SAMM50: variants seen among roughly 807,000 people sequenced by gnomAD.
SAMM50 encodes the protein sorting and assembly machinery component 50 homolog.
Under a neutral mutation model 66.9 loss-of-function variants are expected in SAMM50, and 47 were observed. The observed-to-expected ratio is 0.70, with a 90% CI of 0.56 to 0.90. The LOEUF (loss-of-function observed/expected upper bound fraction) is 0.90. SAMM50 is among the 40% of genes least tolerant of loss of function. The probability of loss-of-function intolerance (pLI) is 0.00; values close to 1 mark genes in which losing one functional copy is unlikely to be tolerated. For missense variants in SAMM50, 535 were observed against 595.3 expected (o/e 0.90, Z 1.05); for synonymous variants, 191 against 214.1 (o/e 0.89, Z 0.94).
intron 12 of SAMM50, among the ~76,000 whole-genome samples, chr22:43,985,939 G>GTT (rs906958086): frequency 2.9e-5 from 4 of 139,236 alleles, no homozygotes; most frequent in Non-Finnish European, 6.3e-5. Flanking sequence ...TTGAGTTTGT[G>GTT]TTTTTTTTTT....
At chr22:43,996,211 G>A in intron 14 of SAMM50, 127 bp from the exon 15 acceptor site, 2 of 1,019,312 alleles carry the variant, frequency 2.0e-6, no homozygotes, top group South Asian at 2.6e-5. Flanking sequence ...CCGGCAGCCA[G>A]GCAGGAAGGC....
chr22:43,973,093 C>T (rs1289351800), intron 6 of SAMM50, 92 bp downstream of exon 6: 9 of 1,476,478 alleles, frequency 6.1e-6, no homozygotes, highest in Middle Eastern at 1.8e-4. Context: ...ACAGAATCAG[C>T]TGCCACTTCT....
chr22:43,957,061 C>T, intron 1 of SAMM50: 3 of 1,024,086 alleles, frequency 2.9e-6, no homozygotes, highest in Admixed American at 1.7e-5. Flanking sequence ...GCCATTTTTG[C>T]TGGCTATAAG....
chr22:43,973,919 G>A (rs368797247), intron 7 of SAMM50, among the ~76,000 whole-genome samples: 1 of 152,090 alleles, frequency 6.6e-6, no homozygotes, highest in South Asian at 2.1e-4. Context: ...GGTCCGGAAG[G>A]TTTCATTTTT....
At position 43,955,474 on chromosome 22, in the gene SAMM50, C is replaced by G; in HGVS notation, c.-104C>G. The G allele has an allele frequency of 7.3e-7, 1 of 1,377,494 alleles. No homozygotes were observed. The highest frequency in any genetic ancestry group is 1.0e-6 in the Non-Finnish European group (1 of 994,572). 85.3% of individuals were successfully genotyped at this position (1,377,494 alleles called of 1,614,324 possible). On this transcript the variant is annotated 5_prime_UTR_variant, in exon 1 of 15. Coordinates refer to ENST00000350028, the MANE Select transcript of SAMM50 (RefSeq NM_015380.5). ...CGCGTCCGGGGGTTTGTGGGAGTTGCCTTGACCTGCAGCTCCGCCACCGCG... is the reference window on the plus strand; with the variant it reads ...CGCGTCCGGGGGTTTGTGGGAGTTGGCTTGACCTGCAGCTCCGCCACCGCG...
At position 43,983,961 on chromosome 22, in the gene SAMM50, C is replaced by G; in HGVS notation, c.1036C>G (p.Arg346Gly). 1.2e-6 allele frequency: 2 copies of G among 1,611,668 alleles called. No individual in the cohort carries two copies. Among genetic ancestry groups the G allele is most frequent in the Non-Finnish European group, 1.7e-6 (2 of 1,179,042 alleles). ...RFYLGGPTSI[R>G]GFSMHSIGPQ... ...TTACCTTGGGGGACCCACAAGCATC[C>G]GCGGATTCAGCATGCACAGCATCGG... The change falls in exon 12 of 15, where the codon CGC becomes GGC. Residue 346 changes from arginine to glycine, a missense_variant. By Grantham distance (125) the Arg-to-Gly change is moderately radical (BLOSUM62 -2). Transcript: ENST00000350028. The surrounding 1 kb of genome is among the most constrained non-coding windows in gnomAD (Gnocchi z 4.2).
At position 43,990,317 on chromosome 22, in the gene SAMM50, G is replaced by C; in HGVS notation, c.1275G>C (p.Ser425=). 6.2e-7 allele frequency: 1 copy of C among 1,614,172 alleles called. No individual in the cohort carries two copies. Among genetic ancestry groups the C allele is most frequent in the Middle Eastern group, 1.6e-4 (1 of 6,062 alleles). Residue 425 remains serine, a synonymous_variant, in exon 14 of 15, where the codon TCG becomes TCC. Transcript: ENST00000350028. The part of the protein sequence containing the change: ...IRKLAECIRW[S]YGAGIVLRLG... ...AGCTGGCTGAGTGCATCCGCTGGTC[G>C]TACGGGGCCGGGATTGTCCTCAGGC...
chr22:43,956,707 AGTGAAGG>A (rs1326227803), intron 1 of SAMM50, among the ~76,000 whole-genome samples: 1 of 152,144 alleles, frequency 6.6e-6, no homozygotes, highest in East Asian at 1.9e-4. Context: ...TTGGTGGAAG[AGTGAAGG>A]GTGAAGTTAT....
chr22:43,996,513 A>G lies in SAMM50; in HGVS notation c.*130A>G. 1 of 901,764 alleles carries G rather than the reference A, an allele frequency of 1.1e-6. No homozygotes were observed. Among genetic ancestry groups the G allele is most frequent in the Admixed American group, 1.8e-5 (1 of 56,712 alleles). The allele number at this position is 901,764 out of a possible 1,614,324, so 55.9% of individuals were successfully genotyped here. On this transcript the variant is annotated 3_prime_UTR_variant, in exon 15 of 15. Transcript: ENST00000350028. The stretch of plus-strand genomic sequence containing the variant: ...ACCCTGTGGGAAACCCCGTCAATAA[A>G]TGTTAAAGACACACTCCGAGGCAGC...
intron 14 of SAMM50, among the ~76,000 whole-genome samples, chr22:43,995,657 A>T (rs1169591535): frequency 6.6e-6 from 1 of 152,086 alleles, no homozygotes; most frequent in Non-Finnish European, 1.5e-5. Flanking sequence ...GGTGCCCCTG[A>T]GCCGGGTCTG....
chr22:43,969,653 C>G (rs904709876), intron 4 of SAMM50, among the ~76,000 whole-genome samples: 1 of 152,204 alleles, frequency 6.6e-6, no homozygotes, highest in East Asian at 1.9e-4. Context: ...GAGCTGAGAC[C>G]TAGAAGATGC....
chr22:43,973,692 A>G (rs2050216090), intron 7 of SAMM50, among the ~76,000 whole-genome samples: 1 of 152,064 alleles, frequency 6.6e-6, no homozygotes, highest in African/African-American at 2.4e-5. Context: ...CTGGAGTACA[A>G]TGGCACGATC....
chr22:43,961,894 T>G (rs2050148674), intron 1 of SAMM50, among the ~76,000 whole-genome samples: 1 of 152,030 alleles, frequency 6.6e-6, no homozygotes, highest in Admixed American at 6.6e-5. Flanking sequence ...TTCTTTATGT[T>G]TTATTTTTAC....
At position 43,959,507 on chromosome 22, in the gene SAMM50, TACACACAC is replaced by T. The variant is rs138315774; in HGVS notation, c.22-3750_22-3743del. Among the ~76,000 whole-genome samples the T allele has an allele frequency of 1.7e-3, 242 of 138,584 alleles. 1 individual carries two copies. The highest frequency in any genetic ancestry group is 2.6e-3 in the Non-Finnish European group (171 of 65,486). 90.9% of individuals were successfully genotyped at this position (138,584 alleles called of 152,430 possible). ...AAATATTTATTTTATTTTTTTATATTACACACACACACACACACACACACACACACACA... is the reference window on the plus strand; with the variant it reads ...AAATATTTATTTTATTTTTTTATATTACACACACACACACACACACACACA... On this transcript the variant is annotated intron_variant, in intron 1 of 14. Coordinates refer to ENST00000350028, the MANE Select transcript of SAMM50 (RefSeq NM_015380.5).
chr22:43,957,364 A>G (rs553061480), intron 1 of SAMM50: 7 of 513,280 alleles, frequency 1.4e-5, no homozygotes, highest in Middle Eastern at 5.6e-4. Flanking sequence ...TGAAAAGTCA[A>G]TAAATCAATG....
chr22:43,973,418 G>A (rs1230893008), intron 7 of SAMM50, 95 bp downstream of exon 7: 4 of 747,868 alleles, frequency 5.3e-6, no homozygotes, highest in Non-Finnish European at 9.6e-6. Context: ...AGCGTGGAAA[G>A]CACAGGCCCT....
intron 1 of SAMM50, chr22:43,957,443 G>A: frequency 3.6e-6 from 1 of 281,350 alleles, no homozygotes; most frequent in South Asian, 3.7e-5. Context: ...TTTCTTTTGA[G>A]ATGGAGTCTC....
chr22:43,996,201 C>G lies in SAMM50; in HGVS notation c.1365-137C>G, dbSNP rs1339294307. The stretch of plus-strand genomic sequence containing the variant: ...GCAGCCGGGGCCGGTGAGGGTGAGG[C>G]CGGCAGCCAGGCAGGAAGGCAGCAG... On this transcript the variant is annotated intron_variant, in intron 14 of 14. Coordinates refer to ENST00000350028, the MANE Select transcript of SAMM50 (RefSeq NM_015380.5). 3 of 933,054 alleles carry G rather than the reference C, an allele frequency of 3.2e-6. No individual in the cohort carries two copies. In the East Asian group the frequency reaches 7.2e-5, roughly 22 times the overall value. The allele number at this position is 933,054 out of a possible 1,614,324, so 57.8% of individuals were successfully genotyped here.
intron 12 of SAMM50, among the ~76,000 whole-genome samples, chr22:43,986,134 C>G (rs976220953): frequency 6.7e-6 from 1 of 149,716 alleles, no homozygotes; most frequent in East Asian, 2.0e-4. Flanking sequence ...CCTCCACCTC[C>G]CAGGTTCAAG....
Sources: gnomAD v4.1 joint callset for allele counts (sites outside exome capture counted in the v4.1 genomes callset) on GRCh38, gnomAD v4.1.1 for gene constraint, Gnocchi (gnomAD v3.1) non-coding constraint, MANE v1.5 for transcripts, NCBI Gene and HGNC (gene_info 2026-07-23, HGNC 2026-07-21) for gene names.